Variants in FGF12 observed in about 807,000 individuals in gnomAD.
The protein encoded by FGF12 is fibroblast growth factor 12B.
FGF12 carries 14 observed loss-of-function variants against 23.6 expected under a neutral mutation model. That is an observed-to-expected ratio of 0.59 (90% confidence interval 0.39 to 0.93). FGF12 has a LOEUF of 0.93. Among genes scored for constraint, FGF12 ranks in the 40% least tolerant of loss-of-function variants. The pLI is 0.00. For synonymous variants in FGF12, 62 were observed against 77.3 expected (o/e 0.80, Z 1.04); for missense variants, 175 against 217.8 (o/e 0.80, Z 1.24).
intron 4 of FGF12, among the ~76,000 whole-genome samples, chr3:192,266,663 A>G (rs1490261923): frequency 6.6e-6 from 1 of 152,134 alleles, no homozygotes; most frequent in Non-Finnish European, 1.5e-5. Flanking sequence ...TAAAATGAAT[A>G]TGTTAATTAG....
rs1005593807 is a variant in FGF12, at chr3:192,318,833, G to A, written c.228+16528C>T. ...TCAAGCTAAAGAAAGGATCGTAAAA[G>A]CAGGAAGAGGAAAAAAGAAATACAA... On this transcript the variant is annotated intron_variant, in intron 4 of 5. Coordinates refer to ENST00000445105, the MANE Select transcript of FGF12 (RefSeq NM_004113.6). Among the ~76,000 whole-genome samples, 5 of 152,112 alleles carry A rather than the reference G, an allele frequency of 3.3e-5. No individual in the cohort carries two copies. The South Asian group carries it at 1.0e-3, about 32-fold the overall frequency.
intron 5 of FGF12, among the ~76,000 whole-genome samples, chr3:192,167,163 CAA>C (rs35097529): frequency 0.13 from 14,445 of 108,082 alleles, 745 homozygotes; most frequent in East Asian, 0.34. Context: ...ATATGGCTAT[CAA>C]AAAAAAAAAA....
chr3:192,361,550 A>T (rs1718728297), intron 2 of FGF12, among the ~76,000 whole-genome samples: 1 of 152,222 alleles, frequency 6.6e-6, no homozygotes, highest in Non-Finnish European at 1.5e-5. Context: ...TGGTATCCTC[A>T]GAAGGACAAT....
At chr3:192,162,934 G>C (rs1714959885) in intron 5 of FGF12, among the ~76,000 whole-genome samples, 1 of 152,004 alleles carries the variant, frequency 6.6e-6, no homozygotes, top group Non-Finnish European at 1.5e-5. Flanking sequence ...GTAAGACAAT[G>C]TCCATTTTCT....
At chr3:192,406,187 C>T (rs1720949864) in intron 2 of FGF12, among the ~76,000 whole-genome samples, 1 of 151,930 alleles carries the variant, frequency 6.6e-6, no homozygotes, top group Admixed American at 6.6e-5. Flanking sequence ...TACAGTCCTT[C>T]CTTCCCATGC....
At chr3:192,297,622 T>C (rs1715117276) in intron 4 of FGF12, among the ~76,000 whole-genome samples, 1 of 152,144 alleles carries the variant, frequency 6.6e-6, no homozygotes, top group South Asian at 2.1e-4. Flanking sequence ...ATTTGCAAAG[T>C]GCTTTAAAAT....
At chr3:192,719,041 G>C (rs780524379) in intron 2 of FGF12, among the ~76,000 whole-genome samples, 35 of 151,476 alleles carry the variant, frequency 2.3e-4, no homozygotes, top group Non-Finnish European at 4.1e-4. Flanking sequence ...CCATGGAATA[G>C]AAGAACGAGA....
intron 2 of FGF12, among the ~76,000 whole-genome samples, chr3:192,371,887 C>T (rs6783306): frequency 0.13 from 19,157 of 152,126 alleles, 1,277 homozygotes; most frequent in East Asian, 0.18. Context: ...TTTTGAAGAA[C>T]TCTAACATGC....
chr3:192,459,481 T>C (rs1210235072), intron 2 of FGF12, among the ~76,000 whole-genome samples: 2 of 152,200 alleles, frequency 1.3e-5, no homozygotes, highest in African/African-American at 4.8e-5. Context: ...ATTTGGAAAA[T>C]GCTGTGCAGT....
chr3:192,670,489 A>G lies in FGF12; in HGVS notation c.13+56692T>C, dbSNP rs577448087. 3.9e-5 allele frequency among the ~76,000 whole-genome samples: 6 copies of G among 152,286 alleles called. No homozygotes were observed. In the East Asian group the frequency reaches 1.2e-3, roughly 29 times the overall value. On this transcript the variant is annotated intron_variant, in intron 2 of 5. Coordinates refer to ENST00000445105, the MANE Select transcript of FGF12 (RefSeq NM_004113.6). ...CATCACACGTGGACAATCTTTAACA[A>G]CAATAGTATTTTTGAAATAATAATA...
At chr3:192,164,070 T>C (rs1715025379) in intron 5 of FGF12, among the ~76,000 whole-genome samples, 1 of 152,054 alleles carries the variant, frequency 6.6e-6, no homozygotes. Context: ...TCCTAAATAC[T>C]CAGCCACCTG....
chr3:192,599,270 A>ATAATAATAATAATTG (rs1428008781), intron 2 of FGF12, among the ~76,000 whole-genome samples: 1 of 72,362 alleles, frequency 1.4e-5, no homozygotes, highest in African/African-American at 6.1e-5. Flanking sequence ...AATAATAATA[A>ATAATAATAATAATTG]TAATAATAAT....
intron 4 of FGF12, among the ~76,000 whole-genome samples, chr3:192,253,976 G>A (rs146087024): frequency 7.2e-5 from 11 of 152,008 alleles, no homozygotes; most frequent in Admixed American, 7.2e-4. Flanking sequence ...ATACATTGTT[G>A]AATGGCTAAA....
At chr3:192,334,300 C>T (rs1419764096) in intron 4 of FGF12, among the ~76,000 whole-genome samples, 1 of 151,994 alleles carries the variant, frequency 6.6e-6, no homozygotes, top group African/African-American at 2.4e-5. Context: ...AATTTCTGAG[C>T]TCCAAGGTAC....
intron 2 of FGF12, among the ~76,000 whole-genome samples, chr3:192,496,182 G>A (rs1304944800): frequency 1.3e-5 from 2 of 152,002 alleles, no homozygotes; most frequent in Non-Finnish European, 2.9e-5. Context: ...TTTATAAAAC[G>A]TCTAACTTTC....
chr3:192,561,454 C>T (rs958478684), intron 2 of FGF12, among the ~76,000 whole-genome samples: 1 of 152,014 alleles, frequency 6.6e-6, no homozygotes, highest in African/African-American at 2.4e-5. Flanking sequence ...CCTCCACCTC[C>T]TGGGTTCAAG....
chr3:192,482,621 G>A (rs1164008458), intron 2 of FGF12, among the ~76,000 whole-genome samples: 1 of 152,002 alleles, frequency 6.6e-6, no homozygotes, highest in African/African-American at 2.4e-5. Flanking sequence ...GCAACAAAAC[G>A]GGATTCCGTC....
intron 3 of FGF12, among the ~76,000 whole-genome samples, chr3:192,339,353 C>G (rs903568832): frequency 1.3e-5 from 2 of 152,198 alleles, no homozygotes; most frequent in African/African-American, 4.8e-5. Flanking sequence ...CTCATAGTAA[C>G]TGGGCTGCTT....
At chr3:192,629,795 C>G (rs570093128) in intron 2 of FGF12, among the ~76,000 whole-genome samples, 1 of 152,300 alleles carries the variant, frequency 6.6e-6, no homozygotes, top group South Asian at 2.1e-4. Flanking sequence ...ACCTCAGAAC[C>G]ACGTGGAGTG....
Sources: allele counts gnomAD v4.1 joint callset (sites outside exome capture counted in the v4.1 genomes callset), GRCh38; gene constraint gnomAD v4.1.1; transcripts MANE v1.5; gene names NCBI Gene and HGNC (gene_info 2026-07-23, HGNC 2026-07-21).